GRID2: variants seen among roughly 807,000 people sequenced by gnomAD.
The protein encoded by GRID2 is glutamate receptor ionotropic, delta-2.
In GRID2, 33 loss-of-function variants were observed where a neutral mutation model predicts 114.8. That is an observed-to-expected ratio of 0.29 (90% CI 0.22 to 0.38). The LOEUF is 0.38. Among genes scored for constraint, GRID2 ranks in the 10% least tolerant of loss-of-function variants. The probability of loss-of-function intolerance (pLI) is 1.00; values close to 1 mark genes in which losing one functional copy is unlikely to be tolerated. For synonymous variants in GRID2, 505 were observed against 449.9 expected (o/e 1.12, Z -1.55); for missense variants, 1,184 against 1,257.7 (o/e 0.94, Z 0.89).
chr4:92,416,043 T>C (rs1383063041), intron 1 of GRID2, among the ~76,000 whole-genome samples: 2 of 151,956 alleles, frequency 1.3e-5, no homozygotes, highest in Non-Finnish European at 2.9e-5. Flanking sequence ...GTGTTCTCTT[T>C]TCACCACATC....
intron 10 of GRID2, among the ~76,000 whole-genome samples, chr4:93,435,907 A>T (rs1041081436): frequency 9.2e-5 from 14 of 152,146 alleles, no homozygotes; most frequent in Admixed American, 4.6e-4. Flanking sequence ...GCCAGTCTGC[A>T]TATAGATGAA....
intron 2 of GRID2, among the ~76,000 whole-genome samples, chr4:93,055,129 G>T (rs1163152614): frequency 6.6e-6 from 1 of 151,826 alleles, no homozygotes; most frequent in African/African-American, 2.4e-5. Flanking sequence ...TTATTTACAT[G>T]TAAGATGGTA....
chr4:93,044,777 GGCAACCTTGT>G (rs1233493870), intron 2 of GRID2, among the ~76,000 whole-genome samples: 1 of 152,082 alleles, frequency 6.6e-6, no homozygotes, highest in Non-Finnish European at 1.5e-5. Flanking sequence ...AAGAGATTAT[GGCAACCTTGT>G]GTATGCTTCA....
At chr4:92,628,907 T>C (rs1270932070) in intron 2 of GRID2, among the ~76,000 whole-genome samples, 1 of 152,006 alleles carries the variant, frequency 6.6e-6, no homozygotes, top group African/African-American at 2.4e-5. Flanking sequence ...TCCTTTCACT[T>C]TTTCTTTGTG....
chr4:93,515,573 T>G (rs1729638545), intron 13 of GRID2, among the ~76,000 whole-genome samples, 162 bp downstream of exon 13: 1 of 152,160 alleles, frequency 6.6e-6, no homozygotes, highest in South Asian at 2.1e-4. Context: ...TTAAAGAAGA[T>G]TTTTTAGGGA....
intron 7 of GRID2, among the ~76,000 whole-genome samples, chr4:93,236,340 TGGCTCCCCA>T (rs1480779173): frequency 2.6e-5 from 4 of 152,074 alleles, no homozygotes; most frequent in Admixed American, 2.0e-4. Context: ...ACATTCTGCA[TGGCTCCCCA>T]GGTTCTTTCT....
chr4:93,053,656 T>C (rs933857194), intron 2 of GRID2, among the ~76,000 whole-genome samples: 2 of 151,974 alleles, frequency 1.3e-5, no homozygotes, highest in Non-Finnish European at 2.9e-5. Flanking sequence ...AAAGAGAACC[T>C]CAAGGTGACT....
chr4:92,606,486 G>A lies in GRID2; in HGVS notation c.244+16200G>A, dbSNP rs79841382. 2.4e-3 allele frequency among the ~76,000 whole-genome samples: 365 copies of A among 152,026 alleles called. 14 individuals carry two copies. In the East Asian group the frequency reaches 0.067, roughly 28 times the overall value. On this transcript the variant is annotated intron_variant, in intron 2 of 15. Coordinates refer to ENST00000282020, the MANE Select transcript of GRID2 (RefSeq NM_001510.4). ...TGAGAGGAAGAAGAAAGAAGGTAAG[G>A]CATTTATTTTCTGTCTTCTGTGTGT...
intron 8 of GRID2, among the ~76,000 whole-genome samples, chr4:93,340,956 C>T (rs1292876933): frequency 1.3e-5 from 2 of 152,080 alleles, no homozygotes; most frequent in Non-Finnish European, 2.9e-5. Context: ...CCAAGACTCT[C>T]CTTGGGCTTC....
intron 2 of GRID2, among the ~76,000 whole-genome samples, chr4:92,960,375 A>G (rs1752720982): frequency 6.6e-6 from 1 of 152,002 alleles, no homozygotes; most frequent in Non-Finnish European, 1.5e-5. Flanking sequence ...GTTTCCAAAT[A>G]TAATAGCAGG....
intron 8 of GRID2, among the ~76,000 whole-genome samples, chr4:93,333,543 C>T (rs1375391530): frequency 6.6e-6 from 1 of 152,130 alleles, no homozygotes; most frequent in Non-Finnish European, 1.5e-5. Flanking sequence ...AAACAAAGAA[C>T]CCCTGTCATA....
intron 2 of GRID2, among the ~76,000 whole-genome samples, chr4:92,599,726 AT>A (rs1386210124): frequency 2.6e-5 from 4 of 152,148 alleles, no homozygotes; most frequent in African/African-American, 4.8e-5. Context: ...TCTACTATAT[AT>A]AAAAAATATA....
intron 1 of GRID2, among the ~76,000 whole-genome samples, chr4:92,337,547 C>G (rs71597277): frequency 1.0e-3 from 159 of 152,262 alleles, no homozygotes; most frequent in Non-Finnish European, 2.0e-3. Flanking sequence ...TGGGTCACCT[C>G]AGAAAACTCA....
intron 2 of GRID2, among the ~76,000 whole-genome samples, chr4:92,874,148 C>T (rs1745467315): frequency 6.6e-6 from 1 of 152,120 alleles, no homozygotes; most frequent in Non-Finnish European, 1.5e-5. Flanking sequence ...TTTGAATATC[C>T]AGATTTTCTG....
At chr4:93,570,965 T>G (rs1407447662) in intron 13 of GRID2, among the ~76,000 whole-genome samples, 1 of 152,150 alleles carries the variant, frequency 6.6e-6, no homozygotes, top group Non-Finnish European at 1.5e-5. Context: ...TGCCTTTCTT[T>G]CATTCATCCA....
In GRID2 at chr4:92,643,433, C is replaced by T. The variant is rs191176251; in HGVS notation, c.244+53147C>T. ...CTCTATGATTCCATAGTTAGAAAAC[C>T]CCAAAGACTCTGCCAAAAGGCTGCT... On this transcript the variant is annotated intron_variant, in intron 2 of 15. Transcript: ENST00000282020. 1.3e-3 allele frequency among the ~76,000 whole-genome samples: 201 copies of T among 151,642 alleles called. 1 individual carries two copies. The highest frequency in any genetic ancestry group is 4.5e-3 in the African/African-American group (185 of 41,418).
intron 2 of GRID2, among the ~76,000 whole-genome samples, chr4:92,919,315 T>C (rs558245346): frequency 1.2e-4 from 18 of 152,300 alleles, no homozygotes; most frequent in Admixed American, 3.3e-4. Context: ...CCTGGATTCA[T>C]TGATTTTTTT....
At chr4:92,987,083 C>T (rs957027762) in intron 2 of GRID2, among the ~76,000 whole-genome samples, 1 of 152,148 alleles carries the variant, frequency 6.6e-6, no homozygotes, top group African/African-American at 2.4e-5. Flanking sequence ...ATTATTGTGT[C>T]TATTTATAAC....
rs1401505310 is a variant in GRID2 at position 93,238,318 on chromosome 4, T to C, written c.1126-53T>C. On this transcript the variant is annotated intron_variant, in intron 7 of 15. Coordinates refer to ENST00000282020, the MANE Select transcript of GRID2 (RefSeq NM_001510.4). ...CCTAGAAGTTCCTTTTATGTTTATT[T>C]ATTTATTTTTTTACTTCTCAAATTT... 2.2e-6 allele frequency: 3 copies of C among 1,348,486 alleles called. No individual in the cohort carries two copies. In the Admixed American group the frequency reaches 6.4e-5, roughly 29 times the overall value. 83.5% of individuals were successfully genotyped at this position (1,348,486 alleles called of 1,614,324 possible).
Sources: allele counts gnomAD v4.1 joint callset (sites outside exome capture counted in the v4.1 genomes callset), GRCh38; gene constraint gnomAD v4.1.1; transcripts MANE v1.5; gene names NCBI Gene and HGNC (gene_info 2026-07-23, HGNC 2026-07-21).